Variants in ARFGEF3 observed in about 807,000 individuals in gnomAD.
The protein encoded by ARFGEF3 is ARFGEF family member 3.
In ARFGEF3, 96 loss-of-function variants were observed where a neutral mutation model predicts 221.7. The observed-to-expected ratio is 0.43, with a 90% CI of 0.37 to 0.51. The LOEUF is 0.51. Ranked by LOEUF, ARFGEF3 falls within the 20% of genes least tolerant of loss-of-function variation. The pLI, the probability that ARFGEF3 is intolerant of heterozygous loss-of-function variation, is 0.00. For synonymous variants in ARFGEF3, 1,145 were observed against 1,126.8 expected (o/e 1.02, Z -0.32); for missense variants, 2,410 against 2,789.9 (o/e 0.86, Z 3.07).
chr6:138,250,439 C>A (rs1048057712), intron 8 of ARFGEF3, among the ~76,000 whole-genome samples: 10 of 152,180 alleles, frequency 6.6e-5, no homozygotes, highest in African/African-American at 2.4e-4. Flanking sequence ...AATGTTAGAG[C>A]GAAACCTATA....
At chr6:138,267,374 G>A (rs1160398700) in intron 12 of ARFGEF3, among the ~76,000 whole-genome samples, 4 of 151,820 alleles carry the variant, frequency 2.6e-5, no homozygotes, top group East Asian at 1.9e-4. Context: ...GCAGTGAGCC[G>A]AGATTGCACC....
chr6:138,316,619 C>T (rs1779930266), intron 26 of ARFGEF3, among the ~76,000 whole-genome samples: 1 of 152,170 alleles, frequency 6.6e-6, no homozygotes. Context: ...GTAGATGTTT[C>T]AGTGTGTGTT....
At chr6:138,333,025 C>G (rs1780255531) in intron 32 of ARFGEF3, among the ~76,000 whole-genome samples, 1 of 152,170 alleles carries the variant, frequency 6.6e-6, no homozygotes, top group Non-Finnish European at 1.5e-5. Flanking sequence ...ATGGCTAGAA[C>G]TTTGAAATTA....
At chr6:138,312,503 C>G (rs922732549) in intron 25 of ARFGEF3, among the ~76,000 whole-genome samples, 18 of 152,114 alleles carry the variant, frequency 1.2e-4, no homozygotes, top group African/African-American at 4.3e-4. Flanking sequence ...ATCCTTCCCT[C>G]TTACTCACAG....
In ARFGEF3 at chr6:138,266,667, G is replaced by A. The variant is rs569124432; in HGVS notation, c.2128+3056G>A. On this transcript the variant is annotated intron_variant, in intron 12 of 33. Transcript: ENST00000251691. ...GATCGAGACCATCCTGGCTAATATG[G>A]TGAAACCCCGTCTCTACTAAAAATA... is the stretch of plus-strand genomic sequence containing the variant. Among the ~76,000 whole-genome samples, 3 of 152,044 alleles carry A rather than the reference G, an allele frequency of 2.0e-5. No homozygotes were observed. In the East Asian group the frequency reaches 5.8e-4, roughly 30 times the overall value.
chr6:138,228,614 A>T (rs78506813), intron 4 of ARFGEF3, among the ~76,000 whole-genome samples: 5,006 of 151,828 alleles, frequency 0.033, 135 homozygotes, highest in African/African-American at 0.068. Flanking sequence ...AATCTTTTTT[A>T]CCCCCCTTTA....
At chr6:138,189,761 T>A (rs1049748933) in intron 2 of ARFGEF3, among the ~76,000 whole-genome samples, 1 of 152,168 alleles carries the variant, frequency 6.6e-6, no homozygotes, top group Non-Finnish European at 1.5e-5. Flanking sequence ...TATCTTCTCC[T>A]CTTTGAAGCT....
rs1780416904 is a variant in ARFGEF3, at chr6:138,340,776, C to G, written c.*4290C>G. The G allele has an allele frequency of 6.6e-6, 1 of 152,138 alleles. No individual in the cohort carries two copies. The highest frequency in any genetic ancestry group is 1.5e-5 in the Non-Finnish European group (1 of 68,036). 9.4% of individuals were successfully genotyped at this position (152,138 alleles called of 1,614,324 possible). On this transcript the variant is annotated 3_prime_UTR_variant, in exon 34 of 34. Coordinates refer to ENST00000251691, the MANE Select transcript of ARFGEF3 (RefSeq NM_020340.5). ...TTTCTGAATTCAAGGGCCATACTCT[C>G]TCTCTGACAACATGCTCTAAGTCCA...
At chr6:138,171,913 C>T (rs1294713348) in intron 2 of ARFGEF3, among the ~76,000 whole-genome samples, 1 of 152,114 alleles carries the variant, frequency 6.6e-6, no homozygotes, top group Non-Finnish European at 1.5e-5. Flanking sequence ...TGGGCTGTTT[C>T]CAGGGTTTTC....
chr6:138,209,975 T>C lies in ARFGEF3; in HGVS notation c.285T>C (p.Asn95=), dbSNP rs1262243721. ...ETDSDEKQLL[N]QILNAVKVTP... ...ATTCTGATGAGAAGCAGCTGCTCAA[T>C]CAGATACTGAATGCCGTGAAAGTGA... Residue 95 remains asparagine (N), a synonymous_variant, in exon 4 of 34, where the codon AAT becomes AAC. Coordinates refer to ENST00000251691, the MANE Select transcript of ARFGEF3 (RefSeq NM_020340.5). 1 of 1,613,722 alleles carries C rather than the reference T, an allele frequency of 6.2e-7. No homozygotes were observed. The highest frequency in any genetic ancestry group is 8.5e-7 in the Non-Finnish European group (1 of 1,179,804).
At position 138,206,525 on chromosome 6, in the gene ARFGEF3, A is replaced by G. The variant is rs143691717; in HGVS notation, c.138-517A>G. Among the ~76,000 whole-genome samples, 25 of 152,240 alleles carry G rather than the reference A, an allele frequency of 1.6e-4. 1 individual carries two copies. The East Asian group carries it at 4.6e-3, about 28-fold the overall frequency. On this transcript the variant is annotated intron_variant, in intron 2 of 33. Coordinates refer to ENST00000251691, the MANE Select transcript of ARFGEF3 (RefSeq NM_020340.5). The stretch of plus-strand genomic sequence containing the variant: ...CTATAAAGCAAATGTTAAATTTATA[A>G]ATTGTTGAATTCTTTGAGTTGAGGA...
chr6:138,196,893 G>C (rs186556966), intron 2 of ARFGEF3, among the ~76,000 whole-genome samples: 3 of 152,240 alleles, frequency 2.0e-5, no homozygotes, highest in Admixed American at 1.3e-4. Context: ...GAGTGCAGTG[G>C]TGTGATCTCG....
chr6:138,237,896 G>A (rs770003876), intron 5 of ARFGEF3, among the ~76,000 whole-genome samples: 1 of 152,122 alleles, frequency 6.6e-6, no homozygotes, highest in Non-Finnish European at 1.5e-5. Context: ...GTAAACCTAG[G>A]GAAGCCCAAA....
intron 7 of ARFGEF3, among the ~76,000 whole-genome samples, chr6:138,245,145 AC>A (rs1172905236): frequency 6.6e-6 from 1 of 152,088 alleles, no homozygotes; most frequent in Non-Finnish European, 1.5e-5. Flanking sequence ...GACTAAAAAT[AC>A]AAAAAATTAG....
In ARFGEF3 at chr6:138,263,310, T is replaced by G; in HGVS notation, c.1827T>G (p.Asp609Glu). ...AAGACCTTTCTAGGACAGAGTTTGA[T>G]TCCTGTGATCAGTACTCTATGGCAG... ...DDQDLSRTEF[D>E]SCDQYSMAAE... The change falls in exon 12 of 34, where the codon GAT (aspartate) becomes GAG (glutamate). Residue 609 changes from aspartate (D) to glutamate (E), a missense_variant. Transcript: ENST00000251691. 6.2e-7 allele frequency: 1 copy of G among 1,614,026 alleles called. No homozygotes were observed. Among genetic ancestry groups the G allele is most frequent in the Non-Finnish European group, 8.5e-7 (1 of 1,179,894 alleles).
intron 28 of ARFGEF3, among the ~76,000 whole-genome samples, chr6:138,320,255 T>A (rs1780000825): frequency 6.6e-6 from 1 of 152,190 alleles, no homozygotes; most frequent in Non-Finnish European, 1.5e-5. Context: ...GTATAGCCTG[T>A]CACCCTGCTT....
chr6:138,320,002 T>A, intron 28 of ARFGEF3, 123 bp downstream of exon 28: 1 of 806,546 alleles, frequency 1.2e-6, no homozygotes, highest in Non-Finnish European at 2.0e-6. Context: ...TGGGAATTAT[T>A]AAAATAGAAC....
Position 138,300,122 on chromosome 6 carries a change from T to C in ARFGEF3, c.3828+1337T>C, listed in dbSNP as rs1318794648. ...CTGATAAAACAACAGATAGTACAAC[T>C]AGAACTATAAAGAATTGGATTGAAA... On this transcript the variant is annotated intron_variant, in intron 22 of 33. Transcript: ENST00000251691. Among the ~76,000 whole-genome samples, 3 of 152,294 alleles carry C rather than the reference T, an allele frequency of 2.0e-5. No individual in the cohort carries two copies. The East Asian group carries it at 5.8e-4, about 29-fold the overall frequency.
At chr6:138,299,071 G>T (rs148592135) in intron 22 of ARFGEF3, among the ~76,000 whole-genome samples, 1 of 151,730 alleles carries the variant, frequency 6.6e-6, no homozygotes, top group Admixed American at 6.6e-5. Flanking sequence ...GGTGTTGCAC[G>T]CCTGTAACCC....
Sources: allele counts gnomAD v4.1 joint callset (sites outside exome capture counted in the v4.1 genomes callset), GRCh38; gene constraint gnomAD v4.1.1; transcripts MANE v1.5; gene names NCBI Gene and HGNC (gene_info 2026-07-23, HGNC 2026-07-21).